Variants in DYNC1H1 observed in about 807,000 individuals in gnomAD.
DYNC1H1 encodes dynein cytoplasmic 1 heavy chain 1, also known as cytoplasmic dynein 1 heavy chain 1.
Under a neutral mutation model 527.1 loss-of-function variants are expected in DYNC1H1, and 51 were observed. That is an observed-to-expected ratio of 0.10 (90% CI 0.08 to 0.12). The LOEUF is 0.12. DYNC1H1 is among the 10% of genes least tolerant of loss of function. The pLI is 1.00. For synonymous variants in DYNC1H1, 2,189 were observed against 2,278.8 expected (o/e 0.96, Z 1.12); for missense variants, 2,771 against 5,971.8 (o/e 0.46, Z 17.66).
chr14:102,017,824 AGGCC>A lies in DYNC1H1; in HGVS notation c.8177+323_8177+326del, dbSNP rs1377411757. 26 of 361,518 alleles carry A rather than the reference AGGCC, an allele frequency of 7.2e-5. No individual in the cohort carries two copies. The highest frequency in any genetic ancestry group is 1.1e-4 in the Non-Finnish European group (22 of 193,964). The allele number at this position is 361,518 out of a possible 1,614,324, so 22.4% of individuals were successfully genotyped here. On this transcript the variant is annotated intron_variant, in intron 40 of 77. Transcript: ENST00000360184. The surrounding 1 kb of genome is among the most constrained non-coding windows in gnomAD (Gnocchi z 4.6). Reference sequence around the variant, plus strand: ...TACTGAAAATACAAAAACAAAATTAAGGCCGGGCGTGGTGGCTTACGCCTGTAAT... The same window carrying A: ...TACTGAAAATACAAAAACAAAATTAAGGGCGTGGTGGCTTACGCCTGTAAT...
chr14:102,014,530 CAAAA>C (rs35266808), intron 34 of DYNC1H1, among the ~76,000 whole-genome samples: 1 of 114,516 alleles, frequency 8.7e-6, no homozygotes, highest in African/African-American at 3.1e-5. Context: ...AACTCCATCT[CAAAA>C]AAAAAAAAAA....
intron 23 of DYNC1H1, among the ~76,000 whole-genome samples, chr14:102,003,422 C>T (rs958942467): frequency 6.6e-6 from 1 of 151,924 alleles, no homozygotes; most frequent in Non-Finnish European, 1.5e-5. Flanking sequence ...CCACCACACC[C>T]GGCTAATTTT....
chr14:102,050,012 C>A, intron 76 of DYNC1H1, 59 bp from the exon 77 acceptor site: 1 of 1,614,182 alleles, frequency 6.2e-7, no homozygotes, highest in Admixed American at 1.7e-5. Context: ...CGCCCTGTGA[C>A]TGGGGTTTGT....
At position 102,056,223 on chromosome 14, in the gene DYNC1H1, A is replaced by G. The variant is rs1194877942; in HGVS notation, c.*5660A>G. 6.6e-6 allele frequency: 1 copy of G among 152,242 alleles called. No homozygotes were observed. The highest frequency in any genetic ancestry group is 1.5e-5 in the Non-Finnish European group (1 of 68,044). 9.4% of individuals were successfully genotyped at this position (152,242 alleles called of 1,614,324 possible). A position where few individuals can be genotyped will look rare whatever the true frequency, so the allele number is the denominator to read the frequency against. On this transcript the variant is annotated 3_prime_UTR_variant, in exon 78 of 78. Transcript: ENST00000360184. ...GATTTCAGGCATTGTATGGAAGAAC[A>G]TCGTGAGACTCCCTGCTCTGTTCTG...
intron 72 of DYNC1H1, 86 bp from the exon 73 acceptor site, chr14:102,047,730 GC>G: frequency 6.5e-7 from 1 of 1,544,584 alleles, no homozygotes; most frequent in Non-Finnish European, 8.8e-7. Flanking sequence ...TCACCATGTG[GC>G]CTTTACGTTC....
At position 101,979,833 on chromosome 14, in the gene DYNC1H1, A is replaced by G. The variant is rs1479689081; in HGVS notation, c.633A>G (p.Pro211=). 2 of 1,614,092 alleles carry G rather than the reference A, an allele frequency of 1.2e-6. No individual in the cohort carries two copies. Among genetic ancestry groups the G allele is most frequent in the African/African-American group, 2.7e-5 (2 of 74,928 alleles). The change falls in exon 4 of 78, where the codon CCA becomes CCG. Residue 211 remains proline, a synonymous_variant. Transcript: ENST00000360184. This position sits in a 1 kb window ranked among gnomAD's most constrained non-coding sequence, Gnocchi z 4.6. ...CGGAGATCAGCCTGCCGATTCATCC[A>G]ATGATCACAAATGTTGCAAAACAGT... ...EIPEISLPIH[P]MITNVAKQCY...
In DYNC1H1 at chr14:102,018,709, C is replaced by A. The variant is rs1252337771; in HGVS notation, c.8343+93C>A. 32 of 1,532,158 alleles carry A rather than the reference C, an allele frequency of 2.1e-5. No homozygotes were observed. The South Asian group carries it at 3.6e-4, about 17-fold the overall frequency. 94.9% of individuals were successfully genotyped at this position (1,532,158 alleles called of 1,614,324 possible). A position where few individuals can be genotyped will look rare whatever the true frequency, so the allele number is the denominator to read the frequency against. ...GGTGTGGTGGTTCACACCTGTAATC[C>A]CAGCATTTTGGGAGGCCAAGGTGGG... On this transcript the variant is annotated intron_variant, in intron 41 of 77. Transcript: ENST00000360184. The surrounding 1 kb of genome is among the most constrained non-coding windows in gnomAD (Gnocchi z 5.2).
At chr14:102,019,183 C>T (rs866759131) in intron 41 of DYNC1H1, among the ~76,000 whole-genome samples, 2 of 152,220 alleles carry the variant, frequency 1.3e-5, no homozygotes, top group South Asian at 2.1e-4. Flanking sequence ...TGCCAGATTG[C>T]TCTCAAGATG....
chr14:101,984,849 C>T (rs2047914765), intron 7 of DYNC1H1, among the ~76,000 whole-genome samples: 1 of 140,696 alleles, frequency 7.1e-6, no homozygotes, highest in Admixed American at 7.7e-5. Context: ...AGGAGAATGG[C>T]GTGAACCCAG....
Position 102,015,224 on chromosome 14 carries a change from C to T in DYNC1H1, c.7134C>T (p.Phe2378=), listed in dbSNP as rs1426620213. ...VLSTDMIFNN[F]LARLRSIPLD... ...GCACCGACATGATCTTCAACAACTT[C>T]CTGGCCAGGCTGCGCAGCATCCCGC... is the stretch of plus-strand genomic sequence containing the variant. The change falls in exon 35 of 78, where the codon TTC becomes TTT. Residue 2378 remains phenylalanine, a synonymous_variant. Transcript: ENST00000360184. The surrounding 1 kb of genome is among the most constrained non-coding windows in gnomAD (Gnocchi z 6.9). 1 of 1,614,220 alleles carries T rather than the reference C, an allele frequency of 6.2e-7. No individual in the cohort carries two copies. The highest frequency in any genetic ancestry group is 2.2e-5 in the East Asian group (1 of 44,892).
Position 102,049,684 on chromosome 14 carries a change from C to T in DYNC1H1, c.13516-30C>T, listed in dbSNP as rs2048777625. The T allele has an allele frequency of 3.7e-6, 6 of 1,613,836 alleles. No individual in the cohort carries two copies. The highest frequency in any genetic ancestry group is 5.1e-6 in the Non-Finnish European group (6 of 1,180,034). ...ACAGGGCCCAGGTCTGACCTGAGCTCCTTCCCCTGGGGGCTGCTGCTTTCC... is the reference window on the plus strand; with the variant it reads ...ACAGGGCCCAGGTCTGACCTGAGCTTCTTCCCCTGGGGGCTGCTGCTTTCC... On this transcript the variant is annotated intron_variant, in intron 75 of 77. Coordinates refer to ENST00000360184, the MANE Select transcript of DYNC1H1 (RefSeq NM_001376.5). This position sits in a 1 kb window ranked among gnomAD's most constrained non-coding sequence, Gnocchi z 5.5.
In DYNC1H1 at chr14:102,039,297, T is replaced by C. The variant is rs374190499; in HGVS notation, c.11460+43T>C. The C allele has an allele frequency of 2.1e-5, 34 of 1,611,164 alleles. No individual in the cohort carries two copies. In the African/African-American group the frequency reaches 4.0e-4, roughly 19 times the overall value. On this transcript the variant is annotated intron_variant, in intron 60 of 77. Transcript: ENST00000360184. The surrounding 1 kb of genome is among the most constrained non-coding windows in gnomAD (Gnocchi z 7.0). The stretch of plus-strand genomic sequence containing the variant: ...GCAGAGACTGGCGGGCCCCGCACAG[T>C]AGCTCCTTGGCCGCACAGAGGCTGG...
intron 57 of DYNC1H1, chr14:102,037,439 AAAG>A (rs2048590804): frequency 6.6e-6 from 1 of 152,102 alleles, no homozygotes; most frequent in African/African-American, 2.4e-5. Context: ...AAAAAAAAAA[AAAG>A]AACAAGAAAA....
chr14:101,995,309 T>A lies in DYNC1H1; in HGVS notation c.3564+9T>A. ...TTGAGAAGCAAGTTGAGGTGAGCTC[T>A]GTGCATATTTAAAAATTTTTGGCTG... On this transcript the variant is annotated intron_variant, in intron 15 of 77. Coordinates refer to ENST00000360184, the MANE Select transcript of DYNC1H1 (RefSeq NM_001376.5). 4 of 1,614,118 alleles carry A rather than the reference T, an allele frequency of 2.5e-6. No individual in the cohort carries two copies. Among genetic ancestry groups the A allele is most frequent in the Non-Finnish European group, 3.4e-6 (4 of 1,180,018 alleles).
In DYNC1H1 at chr14:102,038,851, A is replaced by G; in HGVS notation, c.11206+3A>G. ...ATCTGATCTTCTTAAACTTCAAGGT[A>G]GGATCTGGACCTGTGGCTTTTAGAT... On this transcript the variant is annotated splice_donor_region_variant and intron_variant, in intron 59 of 77. Coordinates refer to ENST00000360184, the MANE Select transcript of DYNC1H1 (RefSeq NM_001376.5). This position sits in a 1 kb window ranked among gnomAD's most constrained non-coding sequence, Gnocchi z 7.2. The G allele has an allele frequency of 1.2e-6, 2 of 1,614,228 alleles. No homozygotes were observed. The highest frequency in any genetic ancestry group is 1.7e-6 in the Non-Finnish European group (2 of 1,180,036).
At position 102,046,093 on chromosome 14, in the gene DYNC1H1, G is replaced by A. The variant is rs377671439; in HGVS notation, c.13006+1395G>A. Among the ~76,000 whole-genome samples the A allele has an allele frequency of 2.8e-4, 43 of 152,154 alleles. No individual in the cohort carries two copies. In the East Asian group the frequency reaches 5.2e-3, roughly 19 times the overall value. ...TGAGGCAGGAGAATGGCGTGAACCC[G>A]GGAGGGGGAGCTTGCAGTGAGCCGA... On this transcript the variant is annotated intron_variant, in intron 72 of 77. Transcript: ENST00000360184.
At position 102,055,881 on chromosome 14, in the gene DYNC1H1, C is replaced by A. The variant is rs2048871539; in HGVS notation, c.*5318C>A. On this transcript the variant is annotated 3_prime_UTR_variant, in exon 78 of 78. Transcript: ENST00000360184. ...TATTCCATCTCAATCTCTGCCCTGG[C>A]CCCCAGCCCAGCATCCACTCTCAGA... The A allele has an allele frequency of 1.3e-5, 2 of 152,374 alleles. No individual in the cohort carries two copies. The highest frequency in any genetic ancestry group is 2.1e-4 in the South Asian group (1 of 4,828). 9.4% of individuals were successfully genotyped at this position (152,374 alleles called of 1,614,324 possible).
chr14:102,009,489 G>T (rs899595518), intron 29 of DYNC1H1: 2 of 317,576 alleles, frequency 6.3e-6, no homozygotes, highest in Non-Finnish European at 1.2e-5. Context: ...GCCAGTCAGT[G>T]TCGCGGCATT....
intron 56 of DYNC1H1, chr14:102,035,980 G>A (rs1461792904): frequency 5.8e-6 from 1 of 172,984 alleles, no homozygotes; most frequent in Non-Finnish European, 1.3e-5. Flanking sequence ...GATCACATTA[G>A]CTTATTTGTG....
Sources: allele counts gnomAD v4.1 joint callset (sites outside exome capture counted in the v4.1 genomes callset), GRCh38; gene constraint gnomAD v4.1.1; non-coding constraint Gnocchi (gnomAD v3.1); transcripts MANE v1.5; gene names NCBI Gene and HGNC (gene_info 2026-07-23, HGNC 2026-07-21).